Variants in PTPRD observed in about 807,000 individuals in gnomAD.
PTPRD encodes the protein receptor-type tyrosine-protein phosphatase delta.
Under a neutral mutation model 214.5 loss-of-function variants are expected in PTPRD, and 34 were observed. The observed-to-expected ratio is 0.16, with a 90% CI of 0.12 to 0.21. The LOEUF is 0.21. PTPRD is among the 10% of genes least tolerant of loss of function. The pLI, the probability that PTPRD is intolerant of heterozygous loss-of-function variation, is 1.00. For missense variants in PTPRD, 2,545 were observed against 2,398.7 expected (o/e 1.06, Z -1.27); for synonymous variants, 1,128 against 845.7 (o/e 1.33, Z -5.79).
chr9:9,821,367 A>G (rs1254433338), intron 5 of PTPRD, among the ~76,000 whole-genome samples: 1 of 152,146 alleles, frequency 6.6e-6, no homozygotes, highest in African/African-American at 2.4e-5. Flanking sequence ...GGTAGGGTGG[A>G]AGGGATTGTA....
chr9:9,154,708 C>T (rs1370908605), intron 10 of PTPRD, among the ~76,000 whole-genome samples: 1 of 152,144 alleles, frequency 6.6e-6, no homozygotes. Flanking sequence ...CTCTTTGCAT[C>T]TGCTCTCTCC....
chr9:10,141,953 C>T (rs984947031), intron 3 of PTPRD, among the ~76,000 whole-genome samples: 4 of 152,036 alleles, frequency 2.6e-5, no homozygotes, highest in Admixed American at 2.6e-4. Flanking sequence ...AGAACAGAGC[C>T]CTCAGAAATA....
chr9:9,613,578 C>T (rs1324832748), intron 7 of PTPRD, among the ~76,000 whole-genome samples: 1 of 152,120 alleles, frequency 6.6e-6, no homozygotes, highest in East Asian at 1.9e-4. Flanking sequence ...TCATTGATCT[C>T]TTTAGTTTTT....
intron 11 of PTPRD, among the ~76,000 whole-genome samples, chr9:8,926,191 T>G (rs1476658723): frequency 6.6e-6 from 1 of 152,104 alleles, no homozygotes; most frequent in Non-Finnish European, 1.5e-5. Context: ...CTTTTCATTT[T>G]CCTGCTGCCA....
chr9:8,987,192 A>G (rs2099348787), intron 11 of PTPRD, among the ~76,000 whole-genome samples: 1 of 152,094 alleles, frequency 6.6e-6, no homozygotes, highest in Non-Finnish European at 1.5e-5. Context: ...TTTATTTGTC[A>G]TTAGTAGCAT....
intron 3 of PTPRD, among the ~76,000 whole-genome samples, chr9:10,084,662 T>C (rs571947425): frequency 2.1e-5 from 3 of 140,408 alleles, no homozygotes; most frequent in Non-Finnish European, 4.4e-5. Context: ...AAAGTTTAAA[T>C]AATATTTTTT....
At chr9:9,483,132 G>A (rs1271029204) in intron 8 of PTPRD, among the ~76,000 whole-genome samples, 1 of 152,064 alleles carries the variant, frequency 6.6e-6, no homozygotes, top group Non-Finnish European at 1.5e-5. Context: ...AAGCATTGTG[G>A]TACAATAAAT....
intron 2 of PTPRD, among the ~76,000 whole-genome samples, chr9:10,524,870 A>G (rs1402188716): frequency 6.6e-6 from 1 of 152,006 alleles, no homozygotes; most frequent in East Asian, 1.9e-4. Flanking sequence ...TCATAGCTAC[A>G]GGTGAATTTA....
intron 2 of PTPRD, among the ~76,000 whole-genome samples, chr9:10,492,728 T>C (rs1200691155): frequency 6.6e-6 from 1 of 152,154 alleles, no homozygotes; most frequent in Non-Finnish European, 1.5e-5. Context: ...TTAGATCCCA[T>C]TTGTCAATTT....
rs534687162 is a variant in PTPRD, at chr9:9,228,830, A to T, written c.-202-45467T>A. 2.0e-5 allele frequency among the ~76,000 whole-genome samples: 3 copies of T among 152,176 alleles called. No individual in the cohort carries two copies. The East Asian group carries it at 5.8e-4, about 29-fold the overall frequency. On this transcript the variant is annotated intron_variant, in intron 9 of 45. Transcript: ENST00000381196. ...CCTTCGTTTTTTGTTTCTTATAGTTACTTACTCCTACATTACAAATTGAAA... is the reference window on the plus strand; with the variant it reads ...CCTTCGTTTTTTGTTTCTTATAGTTTCTTACTCCTACATTACAAATTGAAA...
chr9:9,167,070 A>G (rs1214752094), intron 10 of PTPRD, among the ~76,000 whole-genome samples: 1 of 152,194 alleles, frequency 6.6e-6, no homozygotes, highest in African/African-American at 2.4e-5. Context: ...AGGTTAAAGA[A>G]TATGTTAAAG....
At chr9:8,359,662 G>A (rs2077966575) in intron 39 of PTPRD, among the ~76,000 whole-genome samples, 1 of 152,020 alleles carries the variant, frequency 6.6e-6, no homozygotes, top group Non-Finnish European at 1.5e-5. Context: ...AAGCCCCTAG[G>A]TGATTCTGGT....
At chr9:8,466,150 A>G (rs1454624686) in intron 31 of PTPRD, among the ~76,000 whole-genome samples, 1 of 151,984 alleles carries the variant, frequency 6.6e-6, no homozygotes, top group Non-Finnish European at 1.5e-5. Context: ...GAGATAACTC[A>G]TATGATACAA....
intron 11 of PTPRD, among the ~76,000 whole-genome samples, chr9:8,774,673 T>C (rs2095395171): frequency 6.6e-6 from 1 of 151,852 alleles, no homozygotes. Flanking sequence ...TAGCTGGGAT[T>C]ACAGGCATGC....
At chr9:9,889,789 GTGTGTGTGTGTGTGTGTGTGTGTA>G (rs1003433355) in intron 5 of PTPRD, among the ~76,000 whole-genome samples, 1 of 123,280 alleles carries the variant, frequency 8.1e-6, no homozygotes, top group African/African-American at 4.3e-5. Context: ...TTCCTGCTGA[GTGTGTGTGTGTGTGTGTGTGTGTA>G]TGTGTGTGTG....
At chr9:10,079,598 A>G (rs2098198817) in intron 3 of PTPRD, among the ~76,000 whole-genome samples, 1 of 152,100 alleles carries the variant, frequency 6.6e-6, no homozygotes, top group South Asian at 2.1e-4. Context: ...CCTGCTGCTA[A>G]TTCTATGATA....
chr9:9,975,361 G>C (rs776984090), intron 4 of PTPRD, among the ~76,000 whole-genome samples: 4 of 152,152 alleles, frequency 2.6e-5, no homozygotes, highest in Non-Finnish European at 4.4e-5. Flanking sequence ...CTATTATCCT[G>C]AATAACATGT....
chr9:9,507,889 C>T (rs538592651), intron 8 of PTPRD, among the ~76,000 whole-genome samples: 4 of 151,414 alleles, frequency 2.6e-5, no homozygotes, highest in East Asian at 3.9e-4. Flanking sequence ...TTTTGTCATT[C>T]GTGTCTTGGG....
At chr9:9,083,027 T>G (rs940580743) in intron 10 of PTPRD, among the ~76,000 whole-genome samples, 14 of 152,200 alleles carry the variant, frequency 9.2e-5, no homozygotes, top group Non-Finnish European at 2.1e-4. Flanking sequence ...CCATTGACTT[T>G]CTTCACAGAA....
Sources: gnomAD v4.1 joint callset for allele counts (sites outside exome capture counted in the v4.1 genomes callset) on GRCh38, gnomAD v4.1.1 for gene constraint, MANE v1.5 for transcripts, NCBI Gene and HGNC (gene_info 2026-07-23, HGNC 2026-07-21) for gene names.